ARL15: variants seen among roughly 807,000 people sequenced by gnomAD.
ARL15 encodes ADP-ribosylation factor-like protein 15.
In ARL15, 19 loss-of-function variants were observed where a neutral mutation model predicts 25.2. That is an observed-to-expected ratio of 0.75 (90% CI 0.53 to 1.10). The LOEUF is 1.10. ARL15 is among the 50% of genes least tolerant of loss of function. ARL15 has a pLI of 0.00. For missense variants in ARL15, 220 were observed against 246.0 expected, an observed-to-expected ratio of 0.89 and a Z score of 0.71; for synonymous variants, 94 against 86.8, an observed-to-expected ratio of 1.08 and a Z score of -0.46.
intron 1 of ARL15, among the ~76,000 whole-genome samples, chr5:54,187,920 A>G (rs1484273918): frequency 1.3e-5 from 2 of 152,190 alleles, no homozygotes; most frequent in Non-Finnish European, 2.9e-5. Flanking sequence ...AGTCTGGGCT[A>G]TTGTTTGTCA....
At chr5:54,068,158 G>C (rs968670687) in intron 4 of ARL15, among the ~76,000 whole-genome samples, 1 of 152,184 alleles carries the variant, frequency 6.6e-6, no homozygotes, top group South Asian at 2.1e-4. Context: ...ACTGAGGATG[G>C]CTCACTCCAA....
intron 4 of ARL15, among the ~76,000 whole-genome samples, chr5:54,098,601 G>A (rs1241856128): frequency 6.6e-6 from 1 of 152,108 alleles, no homozygotes; most frequent in Non-Finnish European, 1.5e-5. Context: ...AAAAGAAACT[G>A]AGAATGAAGG....
intron 2 of ARL15, among the ~76,000 whole-genome samples, chr5:54,156,566 ATT>A (rs1220254053): frequency 2.0e-5 from 3 of 152,216 alleles, no homozygotes; most frequent in African/African-American, 7.2e-5. Flanking sequence ...GTGCTCACTT[ATT>A]AATCTAAGTA....
At chr5:54,158,770 G>A (rs988690914) in intron 2 of ARL15, among the ~76,000 whole-genome samples, 1 of 152,172 alleles carries the variant, frequency 6.6e-6, no homozygotes, top group Admixed American at 6.5e-5. Flanking sequence ...CTACTTGGGA[G>A]GCTGAGGCAG....
chr5:54,062,601 C>T (rs1180918626), intron 4 of ARL15, among the ~76,000 whole-genome samples: 2 of 151,970 alleles, frequency 1.3e-5, no homozygotes, highest in Non-Finnish European at 2.9e-5. Flanking sequence ...TGATTTACTC[C>T]TCCTTGCCTT....
chr5:54,032,924 A>C (rs1224199400), intron 4 of ARL15, among the ~76,000 whole-genome samples: 1 of 152,068 alleles, frequency 6.6e-6, no homozygotes, highest in African/African-American at 2.4e-5. Flanking sequence ...TTAATGTTTT[A>C]CTTGATCCCC....
At chr5:54,138,461 T>C (rs960795596) in intron 3 of ARL15, among the ~76,000 whole-genome samples, 1 of 152,112 alleles carries the variant, frequency 6.6e-6, no homozygotes, top group Non-Finnish European at 1.5e-5. Flanking sequence ...GAAAACAAGA[T>C]GACCAGATGT....
intron 4 of ARL15, among the ~76,000 whole-genome samples, chr5:54,082,072 C>CA (rs369547034): frequency 0.19 from 14,560 of 77,964 alleles, 922 homozygotes; most frequent in Non-Finnish European, 0.24. Context: ...GCCTGGGTAA[C>CA]AAAAAAAAAA....
chr5:54,309,811 A>C (rs1758849601), intron 1 of ARL15, among the ~76,000 whole-genome samples: 1 of 152,216 alleles, frequency 6.6e-6, no homozygotes, highest in Admixed American at 6.5e-5. Context: ...CAATCCGTGC[A>C]CAGTGGAACC....
rs187136993 is a variant in ARL15, at chr5:54,139,398, T to A, written c.253+15182A>T. ...TGAAGCTAGAGGTCATTATTCTAAGTGAAGTAACTCAGAAAAGACAAACCA... is the reference window on the plus strand; with the variant it reads ...TGAAGCTAGAGGTCATTATTCTAAGAGAAGTAACTCAGAAAAGACAAACCA... On this transcript the variant is annotated intron_variant, in intron 3 of 4. Transcript: ENST00000504924. Among the ~76,000 whole-genome samples, 248 of 152,292 alleles carry A rather than the reference T, an allele frequency of 1.6e-3. 2 individuals are homozygous for A. The highest frequency in any genetic ancestry group is 8.0e-3 in the Admixed American group (123 of 15,294).
chr5:54,098,809 A>C (rs540221039), intron 4 of ARL15, among the ~76,000 whole-genome samples: 1 of 152,312 alleles, frequency 6.6e-6, no homozygotes, highest in Admixed American at 6.5e-5. Context: ...AATTTCCCCC[A>C]AAGAAAACCC....
intron 3 of ARL15, among the ~76,000 whole-genome samples, chr5:54,135,559 G>A (rs1372100532): frequency 6.6e-6 from 1 of 152,164 alleles, no homozygotes; most frequent in East Asian, 1.9e-4. Flanking sequence ...GGCTCCACAA[G>A]GCAGAGCTAA....
chr5:54,127,778 G>A (rs1169954822), intron 3 of ARL15, among the ~76,000 whole-genome samples: 2 of 148,678 alleles, frequency 1.3e-5, no homozygotes, highest in African/African-American at 2.5e-5. Context: ...ATACTACAAG[G>A]CTACAGTAAC....
At chr5:53,987,722 G>A (rs764376217) in intron 4 of ARL15, among the ~76,000 whole-genome samples, 8 of 152,154 alleles carry the variant, frequency 5.3e-5, no homozygotes, top group Non-Finnish European at 1.2e-4. Flanking sequence ...AGGCCAAGGT[G>A]GGAGGATCAC....
intron 3 of ARL15, among the ~76,000 whole-genome samples, chr5:54,137,751 A>G (rs961590142): frequency 6.6e-6 from 1 of 152,186 alleles, no homozygotes; most frequent in Non-Finnish European, 1.5e-5. Flanking sequence ...TAAGATTTTA[A>G]TTTCATCACA....
intron 4 of ARL15, among the ~76,000 whole-genome samples, chr5:54,074,825 A>G (rs539165503): frequency 1.1e-3 from 163 of 152,176 alleles, no homozygotes; most frequent in Middle Eastern, 3.4e-3. Context: ...AAAGACACAT[A>G]TAAGAAGGTA....
At chr5:54,029,351 C>T (rs889784704) in intron 4 of ARL15, among the ~76,000 whole-genome samples, 1 of 135,740 alleles carries the variant, frequency 7.4e-6, no homozygotes, top group Non-Finnish European at 1.6e-5. Context: ...CCACCACCAC[C>T]ACCACCACCA....
chr5:54,024,398 G>A (rs547713694), intron 4 of ARL15, among the ~76,000 whole-genome samples: 51 of 152,236 alleles, frequency 3.4e-4, no homozygotes, highest in African/African-American at 1.1e-3. Flanking sequence ...AACCAAATTC[G>A]TGAGTAACAT....
At chr5:54,252,348 C>A (rs1337728112) in intron 1 of ARL15, among the ~76,000 whole-genome samples, 1 of 152,162 alleles carries the variant, frequency 6.6e-6, no homozygotes, top group Admixed American at 6.5e-5. Flanking sequence ...CTTTCTGTTG[C>A]AAAATAGCAT....
Sources: gnomAD v4.1 joint callset for allele counts (sites outside exome capture counted in the v4.1 genomes callset) on GRCh38, gnomAD v4.1.1 for gene constraint, MANE v1.5 for transcripts, NCBI Gene and HGNC (gene_info 2026-07-23, HGNC 2026-07-21) for gene names.